CRPPA: variants seen among roughly 807,000 people sequenced by gnomAD.
CRPPA encodes the protein D-ribitol-5-phosphate cytidylyltransferase.
Under a neutral mutation model 52.0 loss-of-function variants are expected in CRPPA, and 43 were observed. The ratio of observed to expected loss-of-function variants is 0.83; its 90% CI spans 0.65 to 1.07. CRPPA has a LOEUF of 1.07. Ranked by LOEUF, CRPPA falls within the 50% of genes least tolerant of loss-of-function variation. The probability of loss-of-function intolerance (pLI) is 0.00; values close to 1 mark genes in which losing one functional copy is unlikely to be tolerated. For synonymous variants in CRPPA, 250 were observed against 203.5 expected, an observed-to-expected ratio of 1.23 and a Z score of -1.94; for missense variants, 629 against 551.7, an observed-to-expected ratio of 1.14 and a Z score of -1.40.
At chr7:16,189,602 C>T (rs1025643555) in intron 9 of CRPPA, among the ~76,000 whole-genome samples, 1 of 152,274 alleles carries the variant, frequency 6.6e-6, no homozygotes. Context: ...CCAAGTACCA[C>T]ACAGGTTACA....
At chr7:16,162,973 C>CTTTTTTTTTTTTT (rs377244023) in intron 9 of CRPPA, among the ~76,000 whole-genome samples, 1 of 120,830 alleles carries the variant, frequency 8.3e-6, no homozygotes, top group Non-Finnish European at 1.7e-5. Flanking sequence ...TTTTCTTTCT[C>CTTTTTTTTTTTTT]TTTTTTTTTT....
intron 4 of CRPPA, among the ~76,000 whole-genome samples, chr7:16,303,683 T>C (rs1784843100): frequency 6.6e-6 from 1 of 152,096 alleles, no homozygotes; most frequent in African/African-American, 2.4e-5. Flanking sequence ...ATAGAAAATA[T>C]TCTTTTCTGG....
chr7:16,395,660 T>A (rs1376241994), intron 2 of CRPPA, among the ~76,000 whole-genome samples: 1 of 152,206 alleles, frequency 6.6e-6, no homozygotes, highest in Non-Finnish European at 1.5e-5. Flanking sequence ...TAAAAGTGGA[T>A]ATGCAGCAAA....
intron 9 of CRPPA, among the ~76,000 whole-genome samples, chr7:16,169,114 T>C (rs1381372216): frequency 6.6e-6 from 1 of 152,190 alleles, no homozygotes; most frequent in Non-Finnish European, 1.5e-5. Context: ...ACACCTGTCT[T>C]ACATAAATAA....
chr7:16,232,383 G>A (rs754775134), intron 8 of CRPPA, among the ~76,000 whole-genome samples: 4 of 152,122 alleles, frequency 2.6e-5, no homozygotes, highest in Non-Finnish European at 5.9e-5. Context: ...GCAGAAATGT[G>A]TTCTTGACAA....
chr7:16,411,858 T>C (rs1287152044), intron 1 of CRPPA, among the ~76,000 whole-genome samples: 1 of 152,188 alleles, frequency 6.6e-6, no homozygotes, highest in African/African-American at 2.4e-5. Context: ...TCTAAACTAT[T>C]CACCTGTCAC....
intron 8 of CRPPA, among the ~76,000 whole-genome samples, chr7:16,240,039 T>G (rs1783063501): frequency 6.6e-6 from 1 of 151,974 alleles, no homozygotes; most frequent in Admixed American, 6.6e-5. Context: ...CCATCACAAC[T>G]AATCTCAGGG....
At chr7:16,400,004 T>C (rs1419920878) in intron 2 of CRPPA, among the ~76,000 whole-genome samples, 1 of 150,090 alleles carries the variant, frequency 6.7e-6, no homozygotes, top group African/African-American at 2.5e-5. Flanking sequence ...ATTTGACATG[T>C]GACTGACTCG....
At chr7:16,113,470 G>A (rs1422847407) in intron 9 of CRPPA, among the ~76,000 whole-genome samples, 3 of 151,844 alleles carry the variant, frequency 2.0e-5, no homozygotes, top group Admixed American at 6.6e-5. Context: ...GAAACCTAAC[G>A]AATTTCAAGG....
At chr7:16,358,172 G>C (rs1246467792) in intron 3 of CRPPA, among the ~76,000 whole-genome samples, 1 of 151,388 alleles carries the variant, frequency 6.6e-6, no homozygotes, top group Non-Finnish European at 1.5e-5. Flanking sequence ...CTGCTAGAGA[G>C]TAAACACCAC....
intron 9 of CRPPA, among the ~76,000 whole-genome samples, chr7:16,099,616 G>C (rs1197214194): frequency 2.0e-5 from 3 of 152,120 alleles, no homozygotes; most frequent in African/African-American, 7.2e-5. Flanking sequence ...GAGTAGGAAA[G>C]ACACAAACTA....
intron 9 of CRPPA, among the ~76,000 whole-genome samples, chr7:16,182,980 C>T (rs536126320): frequency 3.0e-4 from 46 of 152,226 alleles, no homozygotes; most frequent in South Asian, 1.5e-3. Flanking sequence ...TACTAAATCA[C>T]AAGGGCTGAC....
intron 2 of CRPPA, among the ~76,000 whole-genome samples, chr7:16,403,629 A>T (rs1787883842): frequency 6.6e-6 from 1 of 152,182 alleles, no homozygotes; most frequent in Non-Finnish European, 1.5e-5. Context: ...AGGCCTGGAA[A>T]ACAGTCTGAA....
chr7:16,197,185 G>A (rs1267490406), intron 9 of CRPPA, among the ~76,000 whole-genome samples: 1 of 152,164 alleles, frequency 6.6e-6, no homozygotes, highest in African/African-American at 2.4e-5. Flanking sequence ...TGGGAATCAG[G>A]GTGGAGAATG....
chr7:16,194,286 A>G (rs927451061), intron 9 of CRPPA, among the ~76,000 whole-genome samples: 6 of 152,174 alleles, frequency 3.9e-5, no homozygotes, highest in African/African-American at 1.4e-4. Flanking sequence ...GTAGCCTTAT[A>G]CGAGTAGATG....
chr7:16,380,819 G>A (rs900031751), intron 2 of CRPPA, among the ~76,000 whole-genome samples: 1 of 152,158 alleles, frequency 6.6e-6, no homozygotes, highest in Admixed American at 6.5e-5. Flanking sequence ...TCGTATTTCT[G>A]TGGGATCAGT....
At chr7:16,223,971 TTC>T (rs1299077491) in intron 8 of CRPPA, among the ~76,000 whole-genome samples, 2 of 152,194 alleles carry the variant, frequency 1.3e-5, no homozygotes, top group Non-Finnish European at 2.9e-5. Flanking sequence ...TTTCTAACAG[TTC>T]TTTCTCACAT....
At chr7:16,320,577 GC>G (rs1386775370) in intron 3 of CRPPA, among the ~76,000 whole-genome samples, 1 of 152,036 alleles carries the variant, frequency 6.6e-6, no homozygotes, top group Non-Finnish European at 1.5e-5. Context: ...TGGGAAGTTT[GC>G]CCAACCAAGA....
intron 9 of CRPPA, among the ~76,000 whole-genome samples, chr7:16,144,815 G>A (rs1782942346): frequency 6.6e-6 from 1 of 152,190 alleles, no homozygotes; most frequent in Non-Finnish European, 1.5e-5. Context: ...CCCGTCAACA[G>A]TGCAGAGCTA....
Sources: gnomAD v4.1 joint callset for allele counts (sites outside exome capture counted in the v4.1 genomes callset) on GRCh38, gnomAD v4.1.1 for gene constraint, MANE v1.5 for transcripts, NCBI Gene and HGNC (gene_info 2026-07-23, HGNC 2026-07-21) for gene names.